Variants in PHACTR2 observed in about 807,000 individuals in gnomAD.
PHACTR2 encodes the protein chromosome 6 open reading frame 56.
In PHACTR2, 30 loss-of-function variants were observed where a neutral mutation model predicts 76.0. The observed-to-expected ratio is 0.39, with a 90% confidence interval of 0.30 to 0.54. PHACTR2 has a LOEUF of 0.54. PHACTR2 is among the 20% of genes least tolerant of loss of function. The pLI is 0.61. For missense variants in PHACTR2, 696 were observed against 781.1 expected, an observed-to-expected ratio of 0.89 and a Z score of 1.30; for synonymous variants, 292 against 292.5, an observed-to-expected ratio of 1.00 and a Z score of 0.02.
intron 11 of PHACTR2, among the ~76,000 whole-genome samples, chr6:143,805,411 G>A (rs936600473): frequency 2.0e-5 from 3 of 150,982 alleles, no homozygotes; most frequent in East Asian, 1.9e-4. Flanking sequence ...CCTGGGAGGC[G>A]GAGGTTGCAG....
rs371425656 is a variant in PHACTR2 at position 143,824,615 on chromosome 6, G to C, written c.*926G>C. Reference sequence around the variant, plus strand: ...AGTCAAAGCAACCATACTTCACCTAGAGAAGACAGTATTGGCAATCATGAC... The same window carrying C: ...AGTCAAAGCAACCATACTTCACCTACAGAAGACAGTATTGGCAATCATGAC... On this transcript the variant is annotated 3_prime_UTR_variant, in exon 13 of 13. Coordinates refer to ENST00000440869, the MANE Select transcript of PHACTR2 (RefSeq NM_001100164.2). The surrounding 1 kb of genome is among the most constrained non-coding windows in gnomAD (Gnocchi z 6.3). The C allele has an allele frequency of 1.3e-5, 2 of 152,680 alleles. No individual in the cohort carries two copies. The highest frequency in any genetic ancestry group is 4.1e-4 in the South Asian group (2 of 4,828). The allele number at this position is 152,680 out of a possible 1,614,324, so 9.5% of individuals were successfully genotyped here.
In PHACTR2 at chr6:143,553,860, T is replaced by G. The variant is rs1775129004; in HGVS notation, c.217+16653T>G. ...GGTGTGCAGATTGCAACCTTAAGTA[T>G]GGCAACCAAGGCAGGCCCCACTGAG... is the stretch of plus-strand genomic sequence containing the variant. On this transcript the variant is annotated intron_variant, in intron 1 of 11. Coordinates refer to the PHACTR2 transcript ENST00000367584. This position sits in a 1 kb window ranked among gnomAD's most constrained non-coding sequence, Gnocchi z 4.2. 6.6e-6 allele frequency among the ~76,000 whole-genome samples: 1 copy of G among 152,184 alleles called. No homozygotes were observed. Among genetic ancestry groups the G allele is most frequent in the Non-Finnish European group, 1.5e-5 (1 of 68,042 alleles).
At chr6:143,681,554 G>A (rs7771214) in intron 1 of PHACTR2, among the ~76,000 whole-genome samples, 74,769 of 151,464 alleles carry the variant, frequency 0.49, 18,425 homozygotes, top group South Asian at 0.59. Context: ...TTTCATCTTG[G>A]TAGAGTGATT....
In PHACTR2 at chr6:143,738,556, C is replaced by T. The variant is rs1413762611; in HGVS notation, c.215-10429C>T. ...ATGGATCACTTGAGCTCACGACCAG[C>T]CTGGGCAACATGACAAAACCCCATC... On this transcript the variant is annotated intron_variant, in intron 2 of 12. Transcript: ENST00000440869. This position sits in a 1 kb window ranked among gnomAD's most constrained non-coding sequence, Gnocchi z 4.0. 2.0e-5 allele frequency among the ~76,000 whole-genome samples: 3 copies of T among 151,790 alleles called. No individual in the cohort carries two copies. Among genetic ancestry groups the T allele is most frequent in the Non-Finnish European group, 2.9e-5 (2 of 67,966 alleles).
Position 143,788,861 on chromosome 6 carries a change from A to G in PHACTR2, c.1796A>G (p.Tyr599Cys). 6.2e-7 allele frequency: 1 copy of G among 1,613,798 alleles called. No individual in the cohort carries two copies. The highest frequency in any genetic ancestry group is 8.5e-7 in the Non-Finnish European group (1 of 1,179,664). Residue 599 changes from tyrosine (Y) to cysteine (C), a missense_variant, in exon 11 of 13, where the codon TAT (tyrosine) becomes TGT (cysteine). Around this residue, in one of 2 missense-constraint regions of PHACTR2, gnomAD observed 236 missense variants for 330.2 expected, o/e 0.71. Transcript: ENST00000440869. ...EYVEVTDSPD[Y>C]DRRADKPWAR... Reference sequence around the variant, plus strand: ...GTAGAAGTCACGGATTCTCCTGACTATGACCGCCGAGCAGACAAGCCCTGG... The same window carrying G: ...GTAGAAGTCACGGATTCTCCTGACTGTGACCGCCGAGCAGACAAGCCCTGG...
intron 1 of PHACTR2, among the ~76,000 whole-genome samples, chr6:143,622,734 T>G (rs1222540247): frequency 6.6e-6 from 1 of 152,168 alleles, no homozygotes; most frequent in Non-Finnish European, 1.5e-5. Context: ...CCTTGATTTT[T>G]TTGTGTGTGT....
rs1300184526 is a variant in PHACTR2 at position 143,753,170 on chromosome 6, A to G, written c.296-584A>G. Among the ~76,000 whole-genome samples the G allele has an allele frequency of 1.3e-5, 2 of 152,176 alleles. No individual in the cohort carries two copies. The highest frequency in any genetic ancestry group is 4.8e-5 in the African/African-American group (2 of 41,430). On this transcript the variant is annotated intron_variant, in intron 3 of 12. Transcript: ENST00000440869. The surrounding 1 kb of genome is among the most constrained non-coding windows in gnomAD (Gnocchi z 4.6). ...TACTTTAATCTTTCCATAAACAAAT[A>G]AAAATAAAAATAGCCTTGCTATCAT...
chr6:143,695,789 C>A lies in PHACTR2; in HGVS notation c.47-16227C>A, dbSNP rs905793624. ...TAATGGAATCATAAAACAGATCTTTCTTTTCTCTTTAGATTGTGACATTAG... is the reference window on the plus strand; with the variant it reads ...TAATGGAATCATAAAACAGATCTTTATTTTCTCTTTAGATTGTGACATTAG... On this transcript the variant is annotated intron_variant, in intron 1 of 12. Coordinates refer to ENST00000440869, the MANE Select transcript of PHACTR2 (RefSeq NM_001100164.2). The surrounding 1 kb of genome is among the most constrained non-coding windows in gnomAD (Gnocchi z 4.4). Among the ~76,000 whole-genome samples, 1 of 152,180 alleles carries A rather than the reference C, an allele frequency of 6.6e-6. No homozygotes were observed. The highest frequency in any genetic ancestry group is 2.4e-5 in the African/African-American group (1 of 41,448).
chr6:143,728,967 A>G (rs919154655), intron 2 of PHACTR2, among the ~76,000 whole-genome samples: 1 of 152,236 alleles, frequency 6.6e-6, no homozygotes, highest in East Asian at 1.9e-4. Flanking sequence ...ATAGGCAACA[A>G]AACAAAAAAG....
At chr6:143,601,470 G>A (rs1042460262) in intron 1 of PHACTR2, among the ~76,000 whole-genome samples, 16 of 152,292 alleles carry the variant, frequency 1.1e-4, no homozygotes, top group African/African-American at 3.8e-4. Context: ...CTGGGCTAAG[G>A]CACACTAGAC....
At chr6:143,770,889 G>T (rs2062221857) in intron 6 of PHACTR2, among the ~76,000 whole-genome samples, 1 of 146,390 alleles carries the variant, frequency 6.8e-6, no homozygotes. Flanking sequence ...GAAAATTATT[G>T]CTTCCTTGCA....
At position 143,695,475 on chromosome 6, in the gene PHACTR2, C is replaced by CTA. The variant is rs1315352220; in HGVS notation, c.47-16538_47-16537dup. On this transcript the variant is annotated intron_variant, in intron 1 of 12. Coordinates refer to ENST00000440869, the MANE Select transcript of PHACTR2 (RefSeq NM_001100164.2). This position sits in a 1 kb window ranked among gnomAD's most constrained non-coding sequence, Gnocchi z 4.4. ...CCTAAGGCATAAAAATGGCGTCTTA[C>CTA]TATAGACAGTGGAAATAACTGATAA... 6.6e-6 allele frequency among the ~76,000 whole-genome samples: 1 copy of CTA among 152,204 alleles called. No homozygotes were observed. Among genetic ancestry groups the CTA allele is most frequent in the Non-Finnish European group, 1.5e-5 (1 of 68,038 alleles).
chr6:143,611,684 A>C lies in PHACTR2; in HGVS notation c.13+3362A>C, dbSNP rs562410580. On this transcript the variant is annotated intron_variant, in intron 1 of 11. Transcript: ENST00000305766. The surrounding 1 kb of genome is among the most constrained non-coding windows in gnomAD (Gnocchi z 4.4). Reference sequence around the variant, plus strand: ...ATGTTGGCGTTTTAGAGAGTCATCAAAAGATTGAAGCAGGTTGCTTTATGA... The same window carrying C: ...ATGTTGGCGTTTTAGAGAGTCATCACAAGATTGAAGCAGGTTGCTTTATGA... Among the ~76,000 whole-genome samples, 1 of 152,222 alleles carries C rather than the reference A, an allele frequency of 6.6e-6. No individual in the cohort carries two copies. The highest frequency in any genetic ancestry group is 2.4e-5 in the African/African-American group (1 of 41,454).
chr6:143,769,358 G>A (rs566981801), intron 6 of PHACTR2, among the ~76,000 whole-genome samples: 5 of 152,226 alleles, frequency 3.3e-5, no homozygotes, highest in Admixed American at 1.3e-4. Context: ...CCAGGAACCC[G>A]AGGGGGAAAA....
In PHACTR2 at chr6:143,793,696, C is replaced by G. The variant is rs866346987; in HGVS notation, c.1845+4786C>G. 6.6e-6 allele frequency among the ~76,000 whole-genome samples: 1 copy of G among 152,060 alleles called. No homozygotes were observed. Among genetic ancestry groups the G allele is most frequent in the Non-Finnish European group, 1.5e-5 (1 of 68,006 alleles). On this transcript the variant is annotated intron_variant, in intron 11 of 12. Coordinates refer to ENST00000440869, the MANE Select transcript of PHACTR2 (RefSeq NM_001100164.2). The surrounding 1 kb of genome is among the most constrained non-coding windows in gnomAD (Gnocchi z 4.4). ...CCAAGGTTTCTTGAGCTCAAGATTT[C>G]TTGAGCTCAGGAGTTTGAGACCAGC...
At chr6:143,768,734 CA>C (rs1262781176) in intron 6 of PHACTR2, among the ~76,000 whole-genome samples, 1 of 152,158 alleles carries the variant, frequency 6.6e-6, no homozygotes, top group African/African-American at 2.4e-5. Context: ...GGACTATAAT[CA>C]GAGGGAGTGA....
Position 143,733,729 on chromosome 6 carries a change from A to G in PHACTR2, c.215-15256A>G, listed in dbSNP as rs890542215. Among the ~76,000 whole-genome samples, 4 of 151,970 alleles carry G rather than the reference A, an allele frequency of 2.6e-5. No individual in the cohort carries two copies. Among genetic ancestry groups the G allele is most frequent in the African/African-American group, 9.7e-5 (4 of 41,240 alleles). On this transcript the variant is annotated intron_variant, in intron 2 of 12. Coordinates refer to ENST00000440869, the MANE Select transcript of PHACTR2 (RefSeq NM_001100164.2). The surrounding 1 kb of genome is among the most constrained non-coding windows in gnomAD (Gnocchi z 4.0). ...GACTGCTCTGTATGGCAGCATTGCA[A>G]AGGTCAATGTGGGAACATCTTTCTC...
At chr6:143,726,319 A>G (rs1189850344) in intron 2 of PHACTR2, among the ~76,000 whole-genome samples, 1 of 152,216 alleles carries the variant, frequency 6.6e-6, no homozygotes, top group African/African-American at 2.4e-5. Context: ...TATCTTAACC[A>G]TTTTTAAACG....
At chr6:143,759,403 C>T (rs560977834) in intron 4 of PHACTR2, among the ~76,000 whole-genome samples, 15 of 152,130 alleles carry the variant, frequency 9.9e-5, no homozygotes, top group Non-Finnish European at 1.8e-4. Flanking sequence ...CCTGTAATCC[C>T]GGCACTTTGG....
Sources: gnomAD v4.1 joint callset for allele counts (sites outside exome capture counted in the v4.1 genomes callset) on GRCh38, gnomAD v4.1.1 for gene constraint, gnomAD v4.1.1 regional missense constraint, Gnocchi (gnomAD v3.1) non-coding constraint, MANE v1.5 for transcripts, NCBI Gene and HGNC (gene_info 2026-07-23, HGNC 2026-07-21) for gene names.